The following SIRPD variants were observed in gnomAD, a reference collection of about 807,000 sequenced individuals.
SIRPD encodes the protein signal-regulatory protein delta.
A neutral mutation model predicts 18.0 loss-of-function variants in SIRPD; 21 were observed. That is an observed-to-expected ratio of 1.17 (90% CI 0.83 to 1.68). SIRPD has a LOEUF of 1.68. SIRPD is among the 40% of genes most tolerant of loss of function. SIRPD has a pLI of 0.00. For missense variants in SIRPD, 295 were observed against 238.4 expected (o/e 1.24, Z -1.56); for synonymous variants, 106 against 92.9 (o/e 1.14, Z -0.81).
At chr20:1,537,099 C>A in intron 3 of SIRPD, 56 bp downstream of exon 3, 1 of 1,579,974 alleles carries the variant, frequency 6.3e-7, no homozygotes, top group Non-Finnish European at 8.6e-7. Flanking sequence ...ATGGTACCGC[C>A]GCCAAACTCA....
At chr20:1,551,413 T>A (rs2091018303) in intron 2 of SIRPD, among the ~76,000 whole-genome samples, 1 of 152,196 alleles carries the variant, frequency 6.6e-6, no homozygotes, top group Non-Finnish European at 1.5e-5. Flanking sequence ...GCAGGGAACA[T>A]GGAATTATCC....
intron 3 of SIRPD, 56 bp from the exon 4 acceptor site, chr20:1,534,497 G>A (rs1351459212): frequency 4.0e-6 from 6 of 1,510,250 alleles, no homozygotes; most frequent in South Asian, 1.2e-5. Context: ...TGCAAGCTAA[G>A]AGCAGACACA....
chr20:1,548,806 G>A (rs1042208185), intron 2 of SIRPD, among the ~76,000 whole-genome samples: 2 of 151,778 alleles, frequency 1.3e-5, no homozygotes, highest in African/African-American at 4.8e-5. Context: ...TGCTAGTAAT[G>A]TTCCTTCCTT....
intron 2 of SIRPD, among the ~76,000 whole-genome samples, chr20:1,538,145 A>G (rs779740237): frequency 9.9e-5 from 15 of 152,134 alleles, no homozygotes; most frequent in Non-Finnish European, 1.9e-4. Flanking sequence ...AGTGCCAGAC[A>G]CTGCCTCCTG....
chr20:1,548,681 G>A (rs1209623175), intron 2 of SIRPD, among the ~76,000 whole-genome samples: 2 of 152,034 alleles, frequency 1.3e-5, no homozygotes, highest in Admixed American at 1.3e-4. Context: ...TTTTGGGCCA[G>A]TTTTGGTAAT....
intron 3 of SIRPD, among the ~76,000 whole-genome samples, chr20:1,535,761 G>A (rs567586396): frequency 2.6e-5 from 4 of 152,256 alleles, no homozygotes; most frequent in African/African-American, 4.8e-5. Flanking sequence ...TTTACTTTGC[G>A]AAAATAACCT....
intron 2 of SIRPD, among the ~76,000 whole-genome samples, chr20:1,543,216 C>T (rs995882880): frequency 6.6e-6 from 1 of 152,154 alleles, no homozygotes; most frequent in South Asian, 2.1e-4. Context: ...GGTATCAGCT[C>T]CTCTTGTACC....
At chr20:1,540,427 A>G in intron 2 of SIRPD, 1 of 422,700 alleles carries the variant, frequency 2.4e-6, no homozygotes, top group Non-Finnish European at 4.7e-6. Flanking sequence ...ATTTGCAGAT[A>G]TTTGTCTGTA....
intron 2 of SIRPD, chr20:1,540,472 A>AT (rs1375133548): frequency 2.9e-6 from 1 of 342,900 alleles, no homozygotes; most frequent in Non-Finnish European, 5.7e-6. Flanking sequence ...CATTTTGAAC[A>AT]TTTTTATCAT....
chr20:1,556,683 G>A (rs2091042673), intron 1 of SIRPD, among the ~76,000 whole-genome samples: 1 of 152,206 alleles, frequency 6.6e-6, no homozygotes, highest in African/African-American at 2.4e-5. Flanking sequence ...GTAAGATGAT[G>A]TGAGGATACA....
At chr20:1,544,086 G>A (rs1238102917) in intron 2 of SIRPD, among the ~76,000 whole-genome samples, 1 of 152,194 alleles carries the variant, frequency 6.6e-6, no homozygotes, top group Non-Finnish European at 1.5e-5. Context: ...TGTATATTCT[G>A]TTGATTTGGG....
intron 3 of SIRPD, 106 bp from the exon 4 acceptor site, chr20:1,534,547 C>T: frequency 8.2e-7 from 1 of 1,216,790 alleles, no homozygotes; most frequent in South Asian, 1.4e-5. Context: ...AAAAAGATTG[C>T]CAATTTTCTG....
chr20:1,538,910 T>C (rs1279811000), intron 2 of SIRPD, among the ~76,000 whole-genome samples: 1 of 152,204 alleles, frequency 6.6e-6, no homozygotes, highest in Non-Finnish European at 1.5e-5. Context: ...CACAGTGTCA[T>C]TGATCATAAT....
intron 3 of SIRPD, among the ~76,000 whole-genome samples, chr20:1,535,988 A>G (rs2090943641): frequency 6.6e-6 from 1 of 152,206 alleles, no homozygotes; most frequent in Non-Finnish European, 1.5e-5. Context: ...TAGGAAGCGC[A>G]CACCATTGCT....
intron 1 of SIRPD, among the ~76,000 whole-genome samples, chr20:1,555,634 T>A (rs1228021943): frequency 6.6e-6 from 1 of 152,154 alleles, no homozygotes; most frequent in African/African-American, 2.4e-5. Flanking sequence ...AAAACCAAGA[T>A]AAAATTTAAA....
intron 2 of SIRPD, among the ~76,000 whole-genome samples, chr20:1,548,605 A>C (rs1309744375): frequency 6.6e-6 from 1 of 152,084 alleles, no homozygotes; most frequent in Non-Finnish European, 1.5e-5. Context: ...TGTCGATATC[A>C]GGGTAATTTT....
chr20:1,540,597 T>A (rs2090966804), intron 2 of SIRPD, among the ~76,000 whole-genome samples: 1 of 152,188 alleles, frequency 6.6e-6, no homozygotes, highest in African/African-American at 2.4e-5. Flanking sequence ...CTCTATAGAT[T>A]TGCCTATTCT....
intron 2 of SIRPD, among the ~76,000 whole-genome samples, chr20:1,546,615 T>C (rs1489087404): frequency 6.6e-6 from 1 of 152,228 alleles, no homozygotes; most frequent in Non-Finnish European, 1.5e-5. Context: ...AGGAGTGGAA[T>C]AGCTGGGTCA....
chr20:1,534,622 G>A (rs1025212810), intron 3 of SIRPD, among the ~76,000 whole-genome samples, 181 bp from the exon 4 acceptor site: 3 of 152,142 alleles, frequency 2.0e-5, no homozygotes, highest in East Asian at 3.9e-4. Flanking sequence ...CAATGGACAC[G>A]ATCTCTCTAG....
Sources: gnomAD v4.1 joint callset for allele counts (sites outside exome capture counted in the v4.1 genomes callset) on GRCh38, gnomAD v4.1.1 for gene constraint, MANE v1.5 for transcripts, NCBI Gene and HGNC (gene_info 2026-07-23, HGNC 2026-07-21) for gene names.